RYR3: variants seen among roughly 807,000 people sequenced by gnomAD.
RYR3 encodes the protein brain ryanodine receptor-calcium release channel.
Under a neutral mutation model 584.3 loss-of-function variants are expected in RYR3, and 207 were observed. The observed-to-expected ratio is 0.35, with a 90% confidence interval of 0.32 to 0.40. RYR3 has a LOEUF of 0.40. RYR3 is among the 10% of genes least tolerant of loss of function. RYR3 has a pLI of 1.00. For missense variants in RYR3, 5,616 were observed against 6,089.2 expected (o/e 0.92, Z 2.59); for synonymous variants, 2,416 against 2,248.5 (o/e 1.07, Z -2.11).
rs1491296584 is a variant in RYR3 at position 33,664,614 on chromosome 15, T to TATATATATACAC, written c.5619+878_5619+879insTATATATACACA. On this transcript the variant is annotated intron_variant, in intron 36 of 103. Coordinates refer to ENST00000634891, the MANE Select transcript of RYR3 (RefSeq NM_001036.6). ...GTATATATATATATATATATATATA[T>TATATATATACAC]ACGTATGTATACATCTGCGAGGGAG... is the stretch of plus-strand genomic sequence containing the variant. Among the ~76,000 whole-genome samples the TATATATATACAC allele has an allele frequency of 9.1e-5, 11 of 120,560 alleles. No individual in the cohort carries two copies. In the South Asian group the frequency reaches 2.9e-3, roughly 31 times the overall value. 79.1% of individuals were successfully genotyped at this position (120,560 alleles called of 152,430 possible). A position where few individuals can be genotyped will look rare whatever the true frequency, so the allele number is the denominator to read the frequency against.
Position 33,696,984 on chromosome 15 carries a change from T to A in RYR3, c.6134+493T>A, listed in dbSNP as rs573046068. ...TTAGAAGCCATGTAGTCAAAAAAAA[T>A]TCATAGCATTTTAGACATCAAAAGG... On this transcript the variant is annotated intron_variant, in intron 39 of 103. Coordinates refer to ENST00000634891, the MANE Select transcript of RYR3 (RefSeq NM_001036.6). Among the ~76,000 whole-genome samples the A allele has an allele frequency of 8.7e-5, 13 of 150,086 alleles. No homozygotes were observed. The South Asian group carries it at 2.8e-3, about 32-fold the overall frequency.
chr15:33,825,195 T>A (rs2077312470), intron 81 of RYR3, among the ~76,000 whole-genome samples: 1 of 152,166 alleles, frequency 6.6e-6, no homozygotes, highest in African/African-American at 2.4e-5. Flanking sequence ...TAGGTAAAGG[T>A]GGGAGGCAAA....
chr15:33,711,630 C>G (rs1456527251), intron 43 of RYR3, among the ~76,000 whole-genome samples: 1 of 152,184 alleles, frequency 6.6e-6, no homozygotes, highest in Non-Finnish European at 1.5e-5. Flanking sequence ...AAACTTCCAT[C>G]GATCCCTAAG....
chr15:33,399,897 C>G lies in RYR3; in HGVS notation c.52-73522C>G. ...CTTCCTTTTTAATAACTTCTAAAAT[C>G]TAGGTAGGACAGACATAGAAGTGCA... On this transcript the variant is annotated intron_variant, in intron 1 of 103. Coordinates refer to ENST00000634891, the MANE Select transcript of RYR3 (RefSeq NM_001036.6). 1.3e-5 allele frequency among the ~76,000 whole-genome samples: 2 copies of G among 152,034 alleles called. 1 individual carries two copies. Among genetic ancestry groups the G allele is most frequent in the Non-Finnish European group, 2.9e-5 (2 of 68,016 alleles).
intron 3 of RYR3, among the ~76,000 whole-genome samples, chr15:33,521,812 T>C (rs915006729): frequency 5.9e-5 from 9 of 152,158 alleles, no homozygotes; most frequent in African/African-American, 1.9e-4. Flanking sequence ...GGCTGTCCTA[T>C]TGTGCATTGC....
At chr15:33,476,078 A>G (rs1028621444) in intron 2 of RYR3, among the ~76,000 whole-genome samples, 3 of 152,228 alleles carry the variant, frequency 2.0e-5, no homozygotes, top group Non-Finnish European at 4.4e-5. Flanking sequence ...GATTTTGTGT[A>G]AAAGACAGAA....
chr15:33,801,856 C>T lies in RYR3; in HGVS notation c.9919-13C>T. The T allele has an allele frequency of 7.2e-7, 1 of 1,380,990 alleles. No homozygotes were observed. Among genetic ancestry groups the T allele is most frequent in the Non-Finnish European group, 1.0e-6 (1 of 991,014 alleles). The allele number at this position is 1,380,990 out of a possible 1,614,324, so 85.5% of individuals were successfully genotyped here. On this transcript the variant is annotated splice_polypyrimidine_tract_variant and intron_variant, in intron 68 of 103. Coordinates refer to ENST00000634891, the MANE Select transcript of RYR3 (RefSeq NM_001036.6). Reference sequence around the variant, plus strand: ...TCTTGTAATGTTTGCTGTTTCAATTCTTTCCCACTTAGAACTTCAAGAGAG... The same window carrying T: ...TCTTGTAATGTTTGCTGTTTCAATTTTTTCCCACTTAGAACTTCAAGAGAG...
chr15:33,734,146 G>A (rs754566427), intron 48 of RYR3, among the ~76,000 whole-genome samples: 3 of 152,042 alleles, frequency 2.0e-5, no homozygotes, highest in Non-Finnish European at 4.4e-5. Context: ...CTCGACCCAG[G>A]CCCCAAAAAG....
chr15:33,712,896 T>C (rs1224044717), intron 43 of RYR3, among the ~76,000 whole-genome samples: 2 of 151,960 alleles, frequency 1.3e-5, no homozygotes, highest in Non-Finnish European at 2.9e-5. Context: ...CCTCACAGAG[T>C]TGTGAGGCTT....
intron 31 of RYR3, among the ~76,000 whole-genome samples, chr15:33,651,098 C>T (rs2062437189): frequency 6.6e-6 from 1 of 152,236 alleles, no homozygotes; most frequent in South Asian, 2.1e-4. Context: ...GCCATACTTA[C>T]TGTGAACATT....
chr15:33,509,056 T>C (rs564933031), intron 3 of RYR3, among the ~76,000 whole-genome samples: 1 of 152,328 alleles, frequency 6.6e-6, no homozygotes, highest in African/African-American at 2.4e-5. Context: ...ATATTTACCT[T>C]GCAGCCAGGT....
At chr15:33,643,781 G>A (rs185182410) in intron 27 of RYR3, among the ~76,000 whole-genome samples, 246 of 152,160 alleles carry the variant, frequency 1.6e-3, no homozygotes, top group African/African-American at 5.7e-3. Flanking sequence ...GGTATACAAC[G>A]TGATGTTATG....
rs12324660 is a variant in RYR3 at position 33,777,347 on chromosome 15, A to G, written c.9138-2864A>G. 7.8e-3 allele frequency among the ~76,000 whole-genome samples: 1,195 copies of G among 152,338 alleles called. 14 individuals are homozygous for G. The highest frequency in any genetic ancestry group is 0.025 in the African/African-American group (1,033 of 41,578). ...GACCAGTGAGCCTTATATTAATAAC[A>G]GCAAGTCTTTGCCTAGCTCAATCCC... On this transcript the variant is annotated intron_variant, in intron 64 of 103. Transcript: ENST00000634891.
rs768358263 is a variant in RYR3, at chr15:33,848,402, C to A, written c.13609C>A (p.Arg4537Ser). 1 of 1,613,012 alleles carries A rather than the reference C, an allele frequency of 6.2e-7. No individual in the cohort carries two copies. The highest frequency in any genetic ancestry group is 2.2e-5 in the East Asian group (1 of 44,870). ...AGATGACATCAAGGGGCAGTGGGAC[C>A]GCTTGGTGATCAACACACCGTGAGT... ...SEDDIKGQWD[R>S]LVINTPSFPN... Residue 4537 changes from arginine (R) to serine (S), a missense_variant, in exon 94 of 104, where the codon CGC becomes AGC. Physicochemically the swap from Arg to Ser is moderately radical, Grantham distance 110. Transcript: ENST00000634891.
Position 33,857,876 on chromosome 15 carries a change from G to A in RYR3, c.14104G>A (p.Asp4702Asn), listed in dbSNP as rs909959183. The A allele has an allele frequency of 6.2e-6, 10 of 1,614,028 alleles. No individual in the cohort carries two copies. The Admixed American group carries it at 8.3e-5, about 13-fold the overall frequency. Residue 4702 changes from aspartate to asparagine, a missense_variant, in exon 99 of 104, where the codon GAT becomes AAT. Asp to Asn is a conservative substitution (Grantham distance 23). Around this residue, in one of 9 missense-constraint regions of RYR3, gnomAD observed 918 missense variants for 887.4 expected, o/e 1.03. Coordinates refer to ENST00000634891, the MANE Select transcript of RYR3 (RefSeq NM_001036.6). ...FRKFYNKSED[D>N]DEPDMKCDDM... ...CAAGTTCTACAACAAAAGCGAAGAC[G>A]ATGACGAGCCCGATATGAAGTGCGA...
intron 39 of RYR3, 47 bp from the exon 40 acceptor site, chr15:33,697,835 C>T (rs936470139): frequency 4.3e-6 from 5 of 1,169,012 alleles, no homozygotes; most frequent in Non-Finnish European, 6.4e-6. Flanking sequence ...ATTTTCATAG[C>T]ATATAAATAA....
intron 1 of RYR3, among the ~76,000 whole-genome samples, chr15:33,406,515 AT>A (rs1490426663): frequency 1.3e-5 from 2 of 152,242 alleles, no homozygotes; most frequent in Non-Finnish European, 2.9e-5. Flanking sequence ...TCTGGAGAAT[AT>A]TTCAAAGATA....
intron 64 of RYR3, among the ~76,000 whole-genome samples, chr15:33,775,344 G>A (rs1414118472): frequency 6.6e-6 from 1 of 151,726 alleles, no homozygotes; most frequent in Non-Finnish European, 1.5e-5. Flanking sequence ...GGAGAAGGAT[G>A]TGTGTGCTTG....
At chr15:33,650,856 A>G (rs1410753792) in intron 31 of RYR3, among the ~76,000 whole-genome samples, 2 of 152,234 alleles carry the variant, frequency 1.3e-5, no homozygotes, top group Admixed American at 1.3e-4. Context: ...GGTCAGCTGT[A>G]TAATTATTAT....
Sources: allele counts gnomAD v4.1 joint callset (sites outside exome capture counted in the v4.1 genomes callset), GRCh38; gene constraint gnomAD v4.1.1; regional missense constraint gnomAD v4.1.1; transcripts MANE v1.5; gene names NCBI Gene and HGNC (gene_info 2026-07-23, HGNC 2026-07-21).